The following DLGAP1 variants were observed in gnomAD, a reference collection of about 807,000 sequenced individuals.
DLGAP1 encodes the protein disks large-associated protein 1.
Under a neutral mutation model 90.8 loss-of-function variants are expected in DLGAP1, and 11 were observed. The ratio of observed to expected loss-of-function variants is 0.12; its 90% CI spans 0.08 to 0.20. DLGAP1 has a LOEUF of 0.20. Among genes scored for constraint, DLGAP1 ranks in the 10% least tolerant of loss-of-function variants. The pLI, the probability that DLGAP1 is intolerant of heterozygous loss-of-function variation, is 1.00. For synonymous variants in DLGAP1, 558 were observed against 540.7 expected (o/e 1.03, Z -0.44); for missense variants, 1,050 against 1,333.8 (o/e 0.79, Z 3.31).
intron 3 of DLGAP1, among the ~76,000 whole-genome samples, chr18:3,999,476 A>T (rs1487355921): frequency 6.6e-6 from 1 of 152,134 alleles, no homozygotes; most frequent in Non-Finnish European, 1.5e-5. Context: ...ACATCGTCAC[A>T]TCTATATACC....
intron 8 of DLGAP1, among the ~76,000 whole-genome samples, chr18:3,568,419 C>T (rs2054557636): frequency 6.6e-6 from 1 of 151,940 alleles, no homozygotes; most frequent in African/African-American, 2.4e-5. Context: ...GAAAATATAC[C>T]ATATAGAACT....
intron 2 of DLGAP1, among the ~76,000 whole-genome samples, chr18:4,014,988 C>T (rs2074496479): frequency 6.6e-6 from 1 of 152,160 alleles, no homozygotes; most frequent in Non-Finnish European, 1.5e-5. Flanking sequence ...CAGCACAGAA[C>T]ACTGGGCCCA....
At chr18:3,773,329 T>A (rs1353443328) in intron 5 of DLGAP1, among the ~76,000 whole-genome samples, 1 of 152,202 alleles carries the variant, frequency 6.6e-6, no homozygotes, top group Non-Finnish European at 1.5e-5. Context: ...ATCTTTTTTG[T>A]TTTGTTTTAT....
At chr18:4,252,847 TAGCGCCAATCATG>T (rs2078811783) in intron 1 of DLGAP1, among the ~76,000 whole-genome samples, 1 of 152,242 alleles carries the variant, frequency 6.6e-6, no homozygotes, top group African/African-American at 2.4e-5. Flanking sequence ...ACAATGGCTG[TAGCGCCAATCATG>T]AGCTACCTTT....
chr18:4,031,528 T>C (rs1378233278), intron 2 of DLGAP1, among the ~76,000 whole-genome samples: 3 of 152,220 alleles, frequency 2.0e-5, no homozygotes, highest in Non-Finnish European at 4.4e-5. Context: ...GGAGCTGTTA[T>C]GGCCCCTTTA....
chr18:3,691,654 G>A (rs562926571), intron 7 of DLGAP1, among the ~76,000 whole-genome samples: 1 of 152,174 alleles, frequency 6.6e-6, no homozygotes, highest in Non-Finnish European at 1.5e-5. Context: ...GCTTACACCT[G>A]TAATCACAAC....
chr18:3,944,858 A>T (rs949631225), intron 3 of DLGAP1, among the ~76,000 whole-genome samples: 3 of 152,222 alleles, frequency 2.0e-5, no homozygotes, highest in Non-Finnish European at 4.4e-5. Context: ...TCCGCAAAAA[A>T]AACGATGAGA....
intron 1 of DLGAP1, among the ~76,000 whole-genome samples, chr18:4,199,843 C>G (rs1193632557): frequency 6.6e-6 from 1 of 152,094 alleles, no homozygotes; most frequent in African/African-American, 2.4e-5. Flanking sequence ...AAACAATTCC[C>G]CCAAGAGCTT....
chr18:4,358,173 G>T (rs1037792737), intron 1 of DLGAP1, among the ~76,000 whole-genome samples: 3 of 152,180 alleles, frequency 2.0e-5, no homozygotes, highest in African/African-American at 7.2e-5. Context: ...GTCGATATTT[G>T]AGAGTTGGAA....
chr18:4,200,582 AAATATTT>A (rs1392287973), intron 1 of DLGAP1, among the ~76,000 whole-genome samples: 2 of 150,578 alleles, frequency 1.3e-5, no homozygotes, highest in African/African-American at 4.9e-5. Context: ...AATAAATATT[AAATATTT>A]AATACTTTAA....
chr18:3,785,689 C>T (rs1219061793), intron 5 of DLGAP1, among the ~76,000 whole-genome samples: 1 of 152,126 alleles, frequency 6.6e-6, no homozygotes, highest in African/African-American at 2.4e-5. Context: ...GGGTTTGCAT[C>T]CTCAGTGTTC....
chr18:3,847,186 C>A (rs2148665555), intron 4 of DLGAP1, among the ~76,000 whole-genome samples: 1 of 151,992 alleles, frequency 6.6e-6, no homozygotes, highest in East Asian at 1.9e-4. Flanking sequence ...AAAATAAATC[C>A]TGTTTCTGAA....
chr18:4,273,590 A>C (rs549907998), intron 1 of DLGAP1, among the ~76,000 whole-genome samples: 1 of 152,262 alleles, frequency 6.6e-6, no homozygotes, highest in African/African-American at 2.4e-5. Flanking sequence ...CTACAGGTGG[A>C]CGCCAAAATG....
At chr18:4,113,960 A>G (rs1241977615) in intron 2 of DLGAP1, among the ~76,000 whole-genome samples, 1 of 150,224 alleles carries the variant, frequency 6.7e-6, no homozygotes, top group Non-Finnish European at 1.5e-5. Flanking sequence ...ATTCTGTTCC[A>G]TTGGTCTATG....
chr18:4,129,382 G>A (rs138164601), intron 2 of DLGAP1, among the ~76,000 whole-genome samples: 28 of 152,234 alleles, frequency 1.8e-4, no homozygotes, highest in African/African-American at 5.8e-4. Context: ...CTATGGTAAT[G>A]CAGTATCTCA....
At chr18:4,391,894 C>G (rs2082348605) in intron 1 of DLGAP1, among the ~76,000 whole-genome samples, 1 of 152,146 alleles carries the variant, frequency 6.6e-6, no homozygotes, top group Non-Finnish European at 1.5e-5. Context: ...TGATACCGTA[C>G]CCTCTTTATT....
rs147062249 is a variant in DLGAP1, at chr18:4,361,406, A to C, written c.-267+93600T>G. Among the ~76,000 whole-genome samples the C allele has an allele frequency of 5.2e-3, 788 of 152,294 alleles. 2 individuals carry two copies. The highest frequency in any genetic ancestry group is 0.02 in the Middle Eastern group (6 of 294). ...ATTGTGGTACTGGCATAAAGACAGAATACAGGCCAATGGAACAGAATAGAC... is the reference window on the plus strand; with the variant it reads ...ATTGTGGTACTGGCATAAAGACAGACTACAGGCCAATGGAACAGAATAGAC... On this transcript the variant is annotated intron_variant, in intron 1 of 12. Transcript: ENST00000315677.
At chr18:3,581,664 G>GAAAAAA (rs71159093) in intron 8 of DLGAP1, among the ~76,000 whole-genome samples, 18 of 142,010 alleles carry the variant, frequency 1.3e-4, no homozygotes, top group Non-Finnish European at 1.7e-4. Flanking sequence ...TTCTCACCAT[G>GAAAAAA]AAAAAAAAAA....
intron 10 of DLGAP1, among the ~76,000 whole-genome samples, chr18:3,523,719 C>CAT (rs2051401318): frequency 6.6e-6 from 1 of 151,812 alleles, no homozygotes; most frequent in Non-Finnish European, 1.5e-5. Context: ...TGGTGGCGTG[C>CAT]GCCCGTAGTC....
Sources: gnomAD v4.1 joint callset for allele counts (sites outside exome capture counted in the v4.1 genomes callset) on GRCh38, gnomAD v4.1.1 for gene constraint, MANE v1.5 for transcripts, NCBI Gene and HGNC (gene_info 2026-07-23, HGNC 2026-07-21) for gene names.